Variants in RASAL1 observed in about 807,000 individuals in gnomAD.
RASAL1 encodes the protein RAS protein activator like 1.
Under a neutral mutation model 96.6 loss-of-function variants are expected in RASAL1, and 72 were observed. The observed-to-expected ratio is 0.75, with a 90% CI of 0.62 to 0.91. The LOEUF (loss-of-function observed/expected upper bound fraction) is 0.91. Among genes scored for constraint, RASAL1 ranks in the 40% least tolerant of loss-of-function variants. The pLI is 0.00. For synonymous variants in RASAL1, 405 were observed against 430.4 expected (o/e 0.94, Z 0.73); for missense variants, 1,016 against 1,072.5 (o/e 0.95, Z 0.74).
chr12:113,118,167 T>C, intron 7 of RASAL1, among the ~76,000 whole-genome samples: 1 of 152,108 alleles, frequency 6.6e-6, no homozygotes, highest in Admixed American at 6.6e-5. Context: ...GAGGTTGCAG[T>C]GAGCTGAGTT....
Position 113,130,926 on chromosome 12 carries a change from G to T in RASAL1, c.81C>A (p.Asp27Glu). The T allele has an allele frequency of 6.2e-7, 1 of 1,613,524 alleles. No homozygotes were observed. Among genetic ancestry groups the T allele is most frequent in the Non-Finnish European group, 8.5e-7 (1 of 1,179,792 alleles). ...CGTCCACTTTCACTAGGCAGTAGGG[G>T]TCGCTGCTCCCAGACCTGCAGAAGG... is the stretch of plus-strand genomic sequence containing the variant. ...LPAKDVSGSS[D>E]PYCLVKVDDE... is the part of the protein sequence containing the mutation. Residue 27 changes from aspartate to glutamate, a missense_variant, in exon 2 of 21, where the codon GAC becomes GAA. By Grantham distance (45) the Asp-to-Glu change is conservative. Transcript: ENST00000548055. This position sits in a 1 kb window ranked among gnomAD's most constrained non-coding sequence, Gnocchi z 5.1.
At chr12:113,117,003 C>T (rs898085354) in intron 8 of RASAL1, 70 bp downstream of exon 8, 2 of 1,311,128 alleles carry the variant, frequency 1.5e-6, no homozygotes, top group Admixed American at 2.2e-5. Flanking sequence ...GGCATGGGCT[C>T]TGCCCGCAAG....
chr12:113,126,087 C>A (rs141337603), intron 4 of RASAL1, among the ~76,000 whole-genome samples: 1 of 152,012 alleles, frequency 6.6e-6, no homozygotes, highest in East Asian at 1.9e-4. Flanking sequence ...GAGTTCGAGA[C>A]CAGCCCGGCC....
chr12:113,128,828 C>T (rs533917757), intron 2 of RASAL1, among the ~76,000 whole-genome samples: 6 of 152,234 alleles, frequency 3.9e-5, no homozygotes, highest in Admixed American at 1.3e-4. Context: ...AAAACAGACA[C>T]ATATGAAAAC....
intron 8 of RASAL1, 71 bp from the exon 9 acceptor site, chr12:113,116,122 C>T (rs1951075347): frequency 1.5e-6 from 2 of 1,356,640 alleles, no homozygotes; most frequent in Non-Finnish European, 2.0e-6. Flanking sequence ...GTAATCCCAG[C>T]ATTTTGGGAG....
chr12:113,120,396 C>T (rs1463088129), intron 5 of RASAL1, among the ~76,000 whole-genome samples: 2 of 152,160 alleles, frequency 1.3e-5, no homozygotes, highest in Non-Finnish European at 2.9e-5. Flanking sequence ...CTCCCTGGTT[C>T]TCCCTCAACC....
intron 14 of RASAL1, chr12:113,107,680 C>G (rs766072919): frequency 1.8e-5 from 7 of 385,482 alleles, no homozygotes; most frequent in Non-Finnish European, 3.0e-5. Flanking sequence ...TGTCTGTTTC[C>G]CCTTCCTCTT....
intron 13 of RASAL1, among the ~76,000 whole-genome samples, chr12:113,110,010 G>T (rs1396317151): frequency 6.6e-6 from 1 of 152,202 alleles, no homozygotes; most frequent in East Asian, 1.9e-4. Context: ...GAGGACACTT[G>T]GGTGTCACTG....
chr12:113,136,583 TGG>T (rs1219318979), upstream of RASAL1, among the ~76,000 whole-genome samples: 2 of 152,370 alleles, frequency 1.3e-5, no homozygotes, highest in South Asian at 2.1e-4. Flanking sequence ...CTCTGCCATT[TGG>T]TAGCTGTCTG....
At chr12:113,116,153 T>C in intron 8 of RASAL1, 102 bp from the exon 9 acceptor site, 1 of 902,814 alleles carries the variant, frequency 1.1e-6, no homozygotes, top group Non-Finnish European at 1.6e-6. Context: ...GCAGATCACT[T>C]GAGGTCAGCA....
chr12:113,126,924 A>T (rs1235199924), intron 4 of RASAL1, among the ~76,000 whole-genome samples: 2 of 149,906 alleles, frequency 1.3e-5, no homozygotes, highest in Non-Finnish European at 3.0e-5. Flanking sequence ...ATAAAGAATT[A>T]GTGTTCAGAA....
intron 7 of RASAL1, among the ~76,000 whole-genome samples, chr12:113,117,461 T>C (rs1325806033): frequency 6.6e-6 from 1 of 152,142 alleles, no homozygotes; most frequent in East Asian, 1.9e-4. Flanking sequence ...CTGGACTGAG[T>C]GTATTTTCAG....
chr12:113,128,026 G>T, intron 3 of RASAL1, 39 bp downstream of exon 3: 2 of 1,601,780 alleles, frequency 1.2e-6, no homozygotes, highest in African/African-American at 2.7e-5. Flanking sequence ...CCAGGCTTGG[G>T]TCCCTAACCC....
At chr12:113,119,786 C>T (rs973314267) in intron 5 of RASAL1, among the ~76,000 whole-genome samples, 4 of 152,158 alleles carry the variant, frequency 2.6e-5, no homozygotes, top group African/African-American at 7.2e-5. Flanking sequence ...AAACTTGATG[C>T]AAAGGTTCAA....
In RASAL1 at chr12:113,107,255, G is replaced by T; in HGVS notation, c.1513-14C>A. On this transcript the variant is annotated splice_polypyrimidine_tract_variant and intron_variant, in intron 14 of 20. Transcript: ENST00000548055. ...GCTCTGCACAGCCTGGAGCAAAGAA[G>T]CGAGGGATGCCGGGGCCAAGGTCAC... is the stretch of plus-strand genomic sequence containing the variant. The T allele has an allele frequency of 1.3e-6, 2 of 1,580,096 alleles. No individual in the cohort carries two copies. The highest frequency in any genetic ancestry group is 1.7e-6 in the Non-Finnish European group (2 of 1,161,956).
chr12:113,104,316 C>A lies in RASAL1; in HGVS notation c.1831-18G>T. The A allele has an allele frequency of 1.3e-6, 2 of 1,547,760 alleles. No homozygotes were observed. Among genetic ancestry groups the A allele is most frequent in the Non-Finnish European group, 1.7e-6 (2 of 1,143,454 alleles). On this transcript the variant is annotated intron_variant, in intron 16 of 20. Coordinates refer to ENST00000548055, the MANE Select transcript of RASAL1 (RefSeq NM_001301202.2). ...TGACACATCTGGGGAAGAGGATTGT[C>A]GCTGCAGGATGGGCTGGGGGCTAGG...
intron 4 of RASAL1, among the ~76,000 whole-genome samples, chr12:113,126,839 T>C (rs926287974): frequency 2.0e-5 from 3 of 151,802 alleles, no homozygotes; most frequent in African/African-American, 7.3e-5. Flanking sequence ...TTTATTCACC[T>C]ATAAAGTGGG....
rs1019976622 is a variant in RASAL1, at chr12:113,103,686, G to A, written c.2104+260C>T. 39 of 558,334 alleles carry A rather than the reference G, an allele frequency of 7.0e-5. No homozygotes were observed. In the African/African-American group the frequency reaches 7.4e-4, roughly 11 times the overall value. The allele number at this position is 558,334 out of a possible 1,614,324, so 34.6% of individuals were successfully genotyped here. Reference sequence around the variant, plus strand: ...GATGTTTGAGTACCACTGGATGCTGGCACCTAGTGAGTACTTTAGAAATAA... The same window carrying A: ...GATGTTTGAGTACCACTGGATGCTGACACCTAGTGAGTACTTTAGAAATAA... On this transcript the variant is annotated intron_variant, in intron 18 of 20. Coordinates refer to ENST00000548055, the MANE Select transcript of RASAL1 (RefSeq NM_001301202.2).
rs1231304891 is a variant in RASAL1, at chr12:113,135,712, G to A, written c.-250C>T. On this transcript the variant is annotated 5_prime_UTR_variant, in exon 1 of 21. Coordinates refer to ENST00000548055, the MANE Select transcript of RASAL1 (RefSeq NM_001301202.2). The surrounding 1 kb of genome is among the most constrained non-coding windows in gnomAD (Gnocchi z 5.7). ...CGAGCAGGAGGAGCGCGCAGGGGGC[G>A]CAGCGGGCTCTTGCCGAGGCGTCTG... is the stretch of plus-strand genomic sequence containing the variant. The A allele has an allele frequency of 9.0e-6, 3 of 331,656 alleles. No homozygotes were observed. The highest frequency in any genetic ancestry group is 8.2e-5 in the South Asian group (2 of 24,448). The allele number at this position is 331,656 out of a possible 1,614,324, so 20.5% of individuals were successfully genotyped here.
Sources: allele counts gnomAD v4.1 joint callset (sites outside exome capture counted in the v4.1 genomes callset), GRCh38; gene constraint gnomAD v4.1.1; non-coding constraint Gnocchi (gnomAD v3.1); transcripts MANE v1.5; gene names NCBI Gene and HGNC (gene_info 2026-07-23, HGNC 2026-07-21).